CAPRIN1: variants seen among roughly 807,000 people sequenced by gnomAD.
CAPRIN1 encodes caprin-1.
In CAPRIN1, 29 loss-of-function variants were observed where a neutral mutation model predicts 100.9. The ratio of observed to expected loss-of-function variants is 0.29; its 90% CI spans 0.21 to 0.39. CAPRIN1 has a LOEUF of 0.39. Ranked by LOEUF, CAPRIN1 falls within the 10% of genes least tolerant of loss-of-function variation. The pLI is 1.00. For synonymous variants in CAPRIN1, 338 were observed against 307.5 expected, an observed-to-expected ratio of 1.10 and a Z score of -1.04; for missense variants, 795 against 876.7, an observed-to-expected ratio of 0.91 and a Z score of 1.18.
intron 5 of CAPRIN1, 30 bp downstream of exon 5, chr11:34,076,504 C>T (rs748190131): frequency 6.2e-7 from 1 of 1,607,200 alleles, no homozygotes; most frequent in South Asian, 1.1e-5. Flanking sequence ...ATAGAAACTT[C>T]TGAGTATTTA....
chr11:34,082,991 A>G lies in CAPRIN1; in HGVS notation c.916A>G (p.Thr306Ala). ...NRQFMAETQF[T>A]SGEKEQVDEW... is the part of the protein sequence containing the mutation. ...ACAGTTCATGGCAGAAACACAGTTCACCAGTGGTGAAAAGGAGCAGGTAGA... is the reference window on the plus strand; with the variant it reads ...ACAGTTCATGGCAGAAACACAGTTCGCCAGTGGTGAAAAGGAGCAGGTAGA... The change falls in exon 9 of 19, where the codon ACC becomes GCC. Residue 306 changes from threonine to alanine, a missense_variant. Thr to Ala is a moderately conservative substitution (Grantham distance 58, BLOSUM62 0). Transcript: ENST00000341394. The G allele has an allele frequency of 6.2e-7, 1 of 1,614,158 alleles. No individual in the cohort carries two copies. The highest frequency in any genetic ancestry group is 8.5e-7 in the Non-Finnish European group (1 of 1,180,006).
Position 34,056,125 on chromosome 11 carries a change from G to A in CAPRIN1, c.216+3489G>A, listed in dbSNP as rs528540489. On this transcript the variant is annotated intron_variant, in intron 2 of 18. Transcript: ENST00000341394. ...AGAAACCCTTGTGGAGTAAAGTGAG[G>A]TACTATTTACAATTAGATTTGTTTT... Among the ~76,000 whole-genome samples the A allele has an allele frequency of 2.6e-5, 4 of 152,260 alleles. No homozygotes were observed. The South Asian group carries it at 6.2e-4, about 24-fold the overall frequency.
At chr11:34,075,235 C>A (rs561486043) in intron 4 of CAPRIN1, among the ~76,000 whole-genome samples, 58 of 152,174 alleles carry the variant, frequency 3.8e-4, no homozygotes, top group Non-Finnish European at 6.2e-4. Context: ...GTCTCCTTCC[C>A]CATTTTTCCC....
At chr11:34,090,505 T>G (rs767062942) in intron 13 of CAPRIN1, 24 bp from the exon 14 acceptor site, 106 of 1,604,518 alleles carry the variant, frequency 6.6e-5, no homozygotes, top group Non-Finnish European at 9.0e-5. Flanking sequence ...ACCGCTAAAG[T>G]GCATCTATTC....
chr11:34,069,379 A>T (rs1318130133), intron 2 of CAPRIN1, among the ~76,000 whole-genome samples: 1 of 151,908 alleles, frequency 6.6e-6, no homozygotes, highest in Non-Finnish European at 1.5e-5. Context: ...TGAACTCATG[A>T]CCTTGTTATC....
rs188448396 is a variant in CAPRIN1 at position 34,083,976 on chromosome 11, C to T, written c.966+935C>T. Among the ~76,000 whole-genome samples the T allele has an allele frequency of 3.4e-3, 519 of 152,072 alleles. 1 individual carries two copies. Among genetic ancestry groups the T allele is most frequent in the Middle Eastern group, 0.014 (4 of 294 alleles). On this transcript the variant is annotated intron_variant, in intron 9 of 18. Coordinates refer to ENST00000341394, the MANE Select transcript of CAPRIN1 (RefSeq NM_005898.5). Reference sequence around the variant, plus strand: ...CCCAGCTACTTGGGAGGCTGAGGTACGAGAATCACTTGAACTGGGGAGACA... The same window carrying T: ...CCCAGCTACTTGGGAGGCTGAGGTATGAGAATCACTTGAACTGGGGAGACA...
rs747287999 is a variant in CAPRIN1, at chr11:34,082,807, C to G, written c.827-18C>G. On this transcript the variant is annotated intron_variant, in intron 7 of 18. Transcript: ENST00000341394. ...ACCTAAAAATCCTTTTGTTTTGCAC[C>G]ATTTTTTAACCTCTTAGAACCTGAG... The G allele has an allele frequency of 6.2e-7, 1 of 1,609,190 alleles. No homozygotes were observed. Among genetic ancestry groups the G allele is most frequent in the East Asian group, 2.2e-5 (1 of 44,790 alleles).
At chr11:34,077,372 G>C (rs1850928897) in intron 6 of CAPRIN1, among the ~76,000 whole-genome samples, 1 of 152,152 alleles carries the variant, frequency 6.6e-6, no homozygotes, top group Non-Finnish European at 1.5e-5. Context: ...CATGGTTATT[G>C]CCTTAGTTTT....
intron 1 of CAPRIN1, 128 bp downstream of exon 1, chr11:34,051,999 T>C (rs1034115169): frequency 9.0e-6 from 1 of 111,672 alleles, no homozygotes; most frequent in Non-Finnish European, 1.8e-5. Context: ...ACCCCGGTCA[T>C]TTCCCATGCC....
intron 16 of CAPRIN1, 122 bp from the exon 17 acceptor site, chr11:34,097,074 G>C: frequency 1.5e-6 from 1 of 688,502 alleles, no homozygotes; most frequent in Middle Eastern, 4.0e-4. Flanking sequence ...TAGGAAATTG[G>C]AGATTAATTT....
chr11:34,072,030 G>A (rs751040796), intron 4 of CAPRIN1, 43 bp downstream of exon 4: 1 of 1,346,082 alleles, frequency 7.4e-7, no homozygotes, highest in Non-Finnish European at 1.0e-6. Context: ...TACTTTTGTT[G>A]TTTCTTTGGG....
chr11:34,096,719 A>G (rs1851374038), intron 16 of CAPRIN1, 46 bp downstream of exon 16: 4 of 1,446,916 alleles, frequency 2.8e-6, no homozygotes, highest in Admixed American at 2.1e-5. Context: ...TACTAGTTCA[A>G]ATTATTTTTT....
intron 2 of CAPRIN1, among the ~76,000 whole-genome samples, chr11:34,067,492 GT>G (rs985265901): frequency 4.5e-4 from 64 of 143,442 alleles, no homozygotes; most frequent in Non-Finnish European, 5.2e-4. Context: ...ATGCACAGTT[GT>G]TTTTTTTTTT....
At chr11:34,080,919 T>G (rs1851016729) in intron 7 of CAPRIN1, among the ~76,000 whole-genome samples, 1 of 152,192 alleles carries the variant, frequency 6.6e-6, no homozygotes, top group African/African-American at 2.4e-5. Context: ...AAGGCAATCT[T>G]TTTCCCCCTC....
chr11:34,085,738 A>C (rs1255652838), intron 9 of CAPRIN1, among the ~76,000 whole-genome samples: 3 of 152,144 alleles, frequency 2.0e-5, no homozygotes. Flanking sequence ...CGGGAGATGG[A>C]TGTTGCAGTG....
rs774875233 is a variant in CAPRIN1, at chr11:34,097,193, T to C, written c.1901-3T>C. 5 of 1,600,216 alleles carry C rather than the reference T, an allele frequency of 3.1e-6. No individual in the cohort carries two copies. Among genetic ancestry groups the C allele is most frequent in the Non-Finnish European group, 3.4e-6 (4 of 1,168,706 alleles). ...TTATTTCTTTTCTTGTCCTAAATTT[T>C]AGGAGGATATGATGGTTACCGCCCT... is the stretch of plus-strand genomic sequence containing the variant. On this transcript the variant is annotated splice_region_variant and splice_polypyrimidine_tract_variant and intron_variant, in intron 16 of 18. Coordinates refer to ENST00000341394, the MANE Select transcript of CAPRIN1 (RefSeq NM_005898.5).
chr11:34,061,969 CAAA>C (rs3073356), intron 2 of CAPRIN1, among the ~76,000 whole-genome samples: 4 of 118,250 alleles, frequency 3.4e-5, no homozygotes, highest in Admixed American at 9.2e-5. Flanking sequence ...GAGTCTGTCT[CAAA>C]AAAAAAAAAA....
intron 2 of CAPRIN1, among the ~76,000 whole-genome samples, chr11:34,068,229 T>G (rs1850738355): frequency 6.6e-6 from 1 of 152,232 alleles, no homozygotes; most frequent in Admixed American, 6.5e-5. Flanking sequence ...TTACTGTATT[T>G]GTATGATGGC....
intron 1 of CAPRIN1, chr11:34,052,166 G>A (rs1298956304): frequency 6.7e-6 from 1 of 150,172 alleles, no homozygotes; most frequent in African/African-American, 2.4e-5. Flanking sequence ...CGGGCTGGTA[G>A]GCCGAGCCGG....
Sources: gnomAD v4.1 joint callset for allele counts (sites outside exome capture counted in the v4.1 genomes callset) on GRCh38, gnomAD v4.1.1 for gene constraint, MANE v1.5 for transcripts, NCBI Gene and HGNC (gene_info 2026-07-23, HGNC 2026-07-21) for gene names.